SNAP25: variants seen among roughly 807,000 people sequenced by gnomAD.
SNAP25 encodes synaptosome associated protein 25.
In SNAP25, 3 loss-of-function variants were observed where a neutral mutation model predicts 28.7. The ratio of observed to expected loss-of-function variants is 0.10; its 90% confidence interval spans 0.05 to 0.27. SNAP25 has a LOEUF of 0.27. Ranked by LOEUF, SNAP25 falls within the 10% of genes least tolerant of loss-of-function variation. SNAP25 has a pLI of 1.00. For synonymous variants in SNAP25, 61 were observed against 88.1 expected (o/e 0.69, Z 1.72); for missense variants, 117 against 278.7 (o/e 0.42, Z 4.13).
intron 4 of SNAP25, among the ~76,000 whole-genome samples, chr20:10,286,588 G>C (rs2063884662): frequency 6.6e-6 from 1 of 152,192 alleles, no homozygotes; most frequent in Non-Finnish European, 1.5e-5. Flanking sequence ...ATCCCAGGAA[G>C]AGCCTGGCCT....
At position 10,272,707 on chromosome 20, in the gene SNAP25, T is replaced by A. The variant is rs560719810; in HGVS notation, c.-63-2722T>A. Among the ~76,000 whole-genome samples the A allele has an allele frequency of 9.8e-5, 15 of 152,288 alleles. No individual in the cohort carries two copies. The South Asian group carries it at 3.1e-3, about 32-fold the overall frequency. ...AACACGCATTCGAAAATTAGCAGGCTCATCGTAAGATGCTCTGTCAGTTAT... is the reference window on the plus strand; with the variant it reads ...AACACGCATTCGAAAATTAGCAGGCACATCGTAAGATGCTCTGTCAGTTAT... On this transcript the variant is annotated intron_variant, in intron 1 of 7. Coordinates refer to ENST00000254976, the MANE Select transcript of SNAP25 (RefSeq NM_130811.4).
chr20:10,298,194 C>G (rs1600788058), intron 6 of SNAP25, among the ~76,000 whole-genome samples: 1 of 151,314 alleles, frequency 6.6e-6, no homozygotes, highest in South Asian at 2.1e-4. Context: ...GCACCTGTGG[C>G]CCATTAAAGC....
At chr20:10,292,808 A>G (rs1462349627) in intron 4 of SNAP25, 46 of 893,306 alleles carry the variant, frequency 5.1e-5, no homozygotes, top group Non-Finnish European at 7.4e-5. Flanking sequence ...TCTGTTTCAC[A>G]TAGTCATTTC....
At chr20:10,267,536 G>C (rs2122943785) in intron 1 of SNAP25, among the ~76,000 whole-genome samples, 1 of 128,070 alleles carries the variant, frequency 7.8e-6, no homozygotes, top group African/African-American at 3.1e-5. Flanking sequence ...ATAGTCTCCA[G>C]GTTTTTTGTT....
In SNAP25 at chr20:10,293,847, T is replaced by G. The variant is rs895810263; in HGVS notation, c.281+569T>G. Among the ~76,000 whole-genome samples the G allele has an allele frequency of 2.6e-5, 4 of 152,206 alleles. No homozygotes were observed. The highest frequency in any genetic ancestry group is 9.6e-5 in the African/African-American group (4 of 41,458). On this transcript the variant is annotated intron_variant, in intron 5 of 7. Transcript: ENST00000254976. The surrounding 1 kb of genome is among the most constrained non-coding windows in gnomAD (Gnocchi z 5.6). ...AGGCAATGAGCTCTTCAGCAAGAAGTGCTCAAGCCTTACTCAAATTGGACC... is the reference window on the plus strand; with the variant it reads ...AGGCAATGAGCTCTTCAGCAAGAAGGGCTCAAGCCTTACTCAAATTGGACC...
intron 1 of SNAP25, among the ~76,000 whole-genome samples, chr20:10,252,506 C>A (rs1434815676): frequency 6.6e-6 from 1 of 152,116 alleles, no homozygotes; most frequent in Non-Finnish European, 1.5e-5. Flanking sequence ...GGGTAAATAA[C>A]AAAAACTTTT....
In SNAP25 at chr20:10,293,111, C is replaced by CT; in HGVS notation, c.164-46dup. 1 of 1,503,082 alleles carries CT rather than the reference C, an allele frequency of 6.7e-7. No homozygotes were observed. Among genetic ancestry groups the CT allele is most frequent in the Non-Finnish European group, 9.0e-7 (1 of 1,107,262 alleles). 93.1% of individuals were successfully genotyped at this position (1,503,082 alleles called of 1,614,324 possible). ...GAAGTTTTGTCTTTTTTTCTTTGTCCTTTTCCATCTGCTTCATTCTGTGGG... is the reference window on the plus strand; with the variant it reads ...GAAGTTTTGTCTTTTTTTCTTTGTCCTTTTTCCATCTGCTTCATTCTGTGGG... On this transcript the variant is annotated intron_variant, in intron 4 of 7. Transcript: ENST00000254976. This position sits in a 1 kb window ranked among gnomAD's most constrained non-coding sequence, Gnocchi z 5.6.
chr20:10,239,644 T>C (rs184171743), intron 1 of SNAP25, among the ~76,000 whole-genome samples: 84 of 152,334 alleles, frequency 5.5e-4, no homozygotes, highest in African/African-American at 2.0e-3. Flanking sequence ...ATGCAGTAGG[T>C]AATCTCAACA....
rs1403917904 is a variant in SNAP25, at chr20:10,275,425, C to T, written c.-63-4C>T. The T allele has an allele frequency of 3.5e-6, 5 of 1,427,892 alleles. No homozygotes were observed. The highest frequency in any genetic ancestry group is 2.4e-5 in the East Asian group (1 of 41,114). The allele number at this position is 1,427,892 out of a possible 1,614,324, so 88.5% of individuals were successfully genotyped here. A position where few individuals can be genotyped will look rare whatever the true frequency, so the allele number is the denominator to read the frequency against. On this transcript the variant is annotated splice_region_variant and splice_polypyrimidine_tract_variant and intron_variant, in intron 1 of 7. Transcript: ENST00000254976. Reference sequence around the variant, plus strand: ...CTCATATTTTCATATCTACTTCTTCCCAGGTCCAGAGCCAAACCCGTCACT... The same window carrying T: ...CTCATATTTTCATATCTACTTCTTCTCAGGTCCAGAGCCAAACCCGTCACT...
rs560562941 is a variant in SNAP25, at chr20:10,248,293, G to A, written c.-63-27136G>A. Among the ~76,000 whole-genome samples the A allele has an allele frequency of 5.3e-5, 8 of 152,288 alleles. No individual in the cohort carries two copies. In the East Asian group the frequency reaches 1.5e-3, roughly 29 times the overall value. Reference sequence around the variant, plus strand: ...TTTATAGCCAACCCCAACACCTCATGTAATTTTGCTGTTAACATTTTCCCT... The same window carrying A: ...TTTATAGCCAACCCCAACACCTCATATAATTTTGCTGTTAACATTTTCCCT... On this transcript the variant is annotated intron_variant, in intron 1 of 7. Transcript: ENST00000254976.
chr20:10,264,333 C>T (rs1392755853), intron 1 of SNAP25, among the ~76,000 whole-genome samples: 2 of 152,128 alleles, frequency 1.3e-5, no homozygotes, highest in African/African-American at 2.4e-5. Context: ...TATAGAATCC[C>T]ATTTAGGAAT....
intron 1 of SNAP25, chr20:10,219,705 C>A (rs2122573948): frequency 6.6e-6 from 1 of 152,414 alleles, no homozygotes; most frequent in South Asian, 2.1e-4. Context: ...GGCCGCAGCG[C>A]CTCATCTGCC....
intron 4 of SNAP25, among the ~76,000 whole-genome samples, chr20:10,285,684 G>A (rs2063862443): frequency 6.6e-6 from 1 of 152,044 alleles, no homozygotes; most frequent in Non-Finnish European, 1.5e-5. Flanking sequence ...ATCTCAAGCT[G>A]TGGGGGGGAA....
intron 3 of SNAP25, chr20:10,278,070 C>T (rs2063721960): frequency 5.5e-6 from 1 of 180,538 alleles, no homozygotes; most frequent in Non-Finnish European, 1.1e-5. Flanking sequence ...CTACATAAAA[C>T]TTTATTTGTA....
At chr20:10,261,949 T>C (rs899994702) in intron 1 of SNAP25, among the ~76,000 whole-genome samples, 1 of 152,118 alleles carries the variant, frequency 6.6e-6, no homozygotes, top group East Asian at 1.9e-4. Context: ...CAGTAAAAAA[T>C]AACACAAAGT....
intron 7 of SNAP25, among the ~76,000 whole-genome samples, chr20:10,301,379 C>T (rs6039820): frequency 0.6 from 91,473 of 152,022 alleles, 29,122 homozygotes; most frequent in African/African-American, 0.82. Flanking sequence ...CTTTGAATAA[C>T]TAGTTTCCAG....
At chr20:10,292,655 C>G (rs531838040) in intron 4 of SNAP25, among the ~76,000 whole-genome samples, 1 of 152,168 alleles carries the variant, frequency 6.6e-6, no homozygotes, top group Non-Finnish European at 1.5e-5. Flanking sequence ...AGGCCTTCCA[C>G]CCCATCCCAT....
chr20:10,235,160 G>A (rs200859383), intron 1 of SNAP25, among the ~76,000 whole-genome samples: 2 of 151,986 alleles, frequency 1.3e-5, no homozygotes, highest in East Asian at 3.9e-4. Context: ...TTGAGCCCAC[G>A]AGTTTGAGGT....
chr20:10,249,014 C>T (rs1234821873), intron 1 of SNAP25, among the ~76,000 whole-genome samples: 3 of 152,136 alleles, frequency 2.0e-5, no homozygotes, highest in Admixed American at 6.5e-5. Context: ...CAGAAAGATT[C>T]GATAAATAGG....
Sources: allele counts gnomAD v4.1 joint callset (sites outside exome capture counted in the v4.1 genomes callset), GRCh38; gene constraint gnomAD v4.1.1; non-coding constraint Gnocchi (gnomAD v3.1); transcripts MANE v1.5; gene names NCBI Gene and HGNC (gene_info 2026-07-23, HGNC 2026-07-21).